Variants in THSD7B observed in about 807,000 individuals in gnomAD.
The protein encoded by THSD7B is thrombospondin type-1 domain-containing protein 7B.
THSD7B carries 138 observed loss-of-function variants against 213.6 expected under a neutral mutation model. That is an observed-to-expected ratio of 0.65 (90% CI 0.56 to 0.74). The LOEUF (loss-of-function observed/expected upper bound fraction) is 0.74. Among genes scored for constraint, THSD7B ranks in the 30% least tolerant of loss-of-function variants. The pLI, the probability that THSD7B is intolerant of heterozygous loss-of-function variation, is 0.00. For missense variants in THSD7B, 1,931 were observed against 1,991.5 expected (o/e 0.97, Z 0.58); for synonymous variants, 742 against 687.0 (o/e 1.08, Z -1.25).
At chr2:136,841,171 A>G (rs1319821263) in intron 1 of THSD7B, among the ~76,000 whole-genome samples, 2 of 152,186 alleles carry the variant, frequency 1.3e-5, no homozygotes, top group Admixed American at 6.5e-5. Context: ...CCAAAGTTTT[A>G]CAGTGGGAAA....
chr2:137,322,285 T>C (rs1281424227), intron 12 of THSD7B, among the ~76,000 whole-genome samples: 2 of 152,176 alleles, frequency 1.3e-5, no homozygotes, highest in African/African-American at 4.8e-5. Flanking sequence ...CCGTCCCAGG[T>C]CTGCCACCTT....
intron 4 of THSD7B, among the ~76,000 whole-genome samples, chr2:137,095,606 C>G (rs765195210): frequency 2.0e-5 from 3 of 152,224 alleles, no homozygotes; most frequent in Non-Finnish European, 4.4e-5. Flanking sequence ...GTTTTCAAAT[C>G]TTACTGCCGC....
chr2:137,114,305 A>C (rs560516900), intron 4 of THSD7B, among the ~76,000 whole-genome samples: 44 of 152,336 alleles, frequency 2.9e-4, no homozygotes, highest in African/African-American at 9.9e-4. Flanking sequence ...TGTGGGCTTA[A>C]AGAATACGGT....
chr2:136,998,698 T>G (rs1413245408), intron 2 of THSD7B, among the ~76,000 whole-genome samples: 1 of 152,134 alleles, frequency 6.6e-6, no homozygotes, highest in Non-Finnish European at 1.5e-5. Context: ...CATTTCGTAC[T>G]TAGATCACAC....
At chr2:137,394,663 A>G (rs1686127681) in intron 12 of THSD7B, among the ~76,000 whole-genome samples, 1 of 138,538 alleles carries the variant, frequency 7.2e-6, no homozygotes, top group African/African-American at 2.7e-5. Flanking sequence ...TTGGTTCCAT[A>G]TGAACTTTAA....
chr2:137,539,769 T>C (rs1680575707), intron 15 of THSD7B, among the ~76,000 whole-genome samples: 1 of 151,692 alleles, frequency 6.6e-6, no homozygotes, highest in African/African-American at 2.4e-5. Flanking sequence ...GCATGACACA[T>C]GCAACTTCGT....
chr2:137,608,098 A>G (rs7597993), intron 17 of THSD7B, among the ~76,000 whole-genome samples: 10,988 of 152,178 alleles, frequency 0.072, 1,223 homozygotes, highest in African/African-American at 0.24. Context: ...AATTAACTCT[A>G]AATCTGACAA....
At chr2:137,444,243 C>G (rs747979629) in intron 14 of THSD7B, among the ~76,000 whole-genome samples, 1 of 151,928 alleles carries the variant, frequency 6.6e-6, no homozygotes. Flanking sequence ...ATACATTCAC[C>G]AAGGCAAGCT....
At chr2:137,452,225 C>T (rs1687666255) in intron 15 of THSD7B, among the ~76,000 whole-genome samples, 1 of 151,402 alleles carries the variant, frequency 6.6e-6, no homozygotes, top group Admixed American at 6.6e-5. Context: ...AAATAATGAC[C>T]ATAGTTTATT....
At chr2:137,025,742 T>C (rs1686542809) in intron 2 of THSD7B, among the ~76,000 whole-genome samples, 1 of 152,132 alleles carries the variant, frequency 6.6e-6, no homozygotes, top group Non-Finnish European at 1.5e-5. Context: ...TCTGTTCAGA[T>C]TCTTTTGGTG....
chr2:137,405,410 C>A (rs1486376782), intron 12 of THSD7B, among the ~76,000 whole-genome samples: 2 of 151,916 alleles, frequency 1.3e-5, no homozygotes, highest in Non-Finnish European at 2.9e-5. Flanking sequence ...ATAATGAAAC[C>A]AATTAAATCC....
intron 1 of THSD7B, among the ~76,000 whole-genome samples, chr2:136,839,760 C>T (rs1682896403): frequency 6.6e-6 from 1 of 151,940 alleles, no homozygotes; most frequent in African/African-American, 2.4e-5. Flanking sequence ...TTTGGTGCTG[C>T]CTGATGGTCA....
At chr2:136,970,733 C>T (rs927640868) in intron 2 of THSD7B, among the ~76,000 whole-genome samples, 5 of 151,950 alleles carry the variant, frequency 3.3e-5, no homozygotes, top group African/African-American at 9.7e-5. Flanking sequence ...AATTTTACTC[C>T]GAAGTGCAAA....
chr2:137,258,231 C>G (rs1205322919), intron 10 of THSD7B, among the ~76,000 whole-genome samples: 3 of 151,986 alleles, frequency 2.0e-5, no homozygotes, highest in African/African-American at 7.2e-5. Context: ...TTTTGAAATA[C>G]TTTTTTTATC....
chr2:137,211,155 T>G (rs1436287100), intron 7 of THSD7B, among the ~76,000 whole-genome samples: 1 of 151,956 alleles, frequency 6.6e-6, no homozygotes, highest in Admixed American at 6.6e-5. Context: ...ATCTTTCACT[T>G]TGGCTTCGGA....
At chr2:137,234,050 T>C (rs1425245571) in intron 9 of THSD7B, among the ~76,000 whole-genome samples, 5 of 152,138 alleles carry the variant, frequency 3.3e-5, no homozygotes, top group Admixed American at 6.5e-5. Flanking sequence ...ATGAAACTCA[T>C]TTATTTTCTG....
At chr2:136,958,278 G>A (rs748547455) in intron 2 of THSD7B, among the ~76,000 whole-genome samples, 2 of 152,210 alleles carry the variant, frequency 1.3e-5, no homozygotes, top group Non-Finnish European at 2.9e-5. Context: ...ATAATCTTCA[G>A]CCTGCATGAG....
At chr2:137,243,778 T>C (rs1309576059) in intron 10 of THSD7B, among the ~76,000 whole-genome samples, 2 of 152,356 alleles carry the variant, frequency 1.3e-5, no homozygotes, top group East Asian at 3.9e-4. Context: ...TGTATTGCAA[T>C]GGTGGAGTAC....
intron 1 of THSD7B, among the ~76,000 whole-genome samples, chr2:136,866,518 T>TG (rs1403841684): frequency 6.6e-6 from 1 of 152,022 alleles, no homozygotes; most frequent in East Asian, 1.9e-4. Context: ...TGAAAAAAGG[T>TG]GGAGGGGTGT....
Sources: gnomAD v4.1 joint callset for allele counts (sites outside exome capture counted in the v4.1 genomes callset) on GRCh38, gnomAD v4.1.1 for gene constraint, MANE v1.5 for transcripts, NCBI Gene and HGNC (gene_info 2026-07-23, HGNC 2026-07-21) for gene names.